Variants in PCDH17 observed in about 807,000 individuals in gnomAD.
PCDH17 encodes the protein protocadherin-17.
In PCDH17, 21 loss-of-function variants were observed where a neutral mutation model predicts 67.7. That is an observed-to-expected ratio of 0.31 (90% CI 0.22 to 0.45). The LOEUF (loss-of-function observed/expected upper bound fraction) is 0.45, where lower values mean the gene tolerates loss of function less well. Among genes scored for constraint, PCDH17 ranks in the 20% least tolerant of loss-of-function variants. The probability of loss-of-function intolerance (pLI) is 1.00; values close to 1 mark genes in which losing one functional copy is unlikely to be tolerated. For missense variants in PCDH17, 1,471 were observed against 1,564.8 expected, an observed-to-expected ratio of 0.94 and a Z score of 1.01; for synonymous variants, 701 against 656.7, an observed-to-expected ratio of 1.07 and a Z score of -1.03.
intron 3 of PCDH17, among the ~76,000 whole-genome samples, chr13:57,677,909 C>T (rs907602267): frequency 6.6e-6 from 1 of 151,472 alleles, no homozygotes; most frequent in Non-Finnish European, 1.5e-5. Flanking sequence ...GTTGAGAGGC[C>T]GGCCTAGAGG....
chr13:57,706,095 A>C (rs528133876), intron 3 of PCDH17, among the ~76,000 whole-genome samples: 1 of 152,254 alleles, frequency 6.6e-6, no homozygotes, highest in African/African-American at 2.4e-5. Flanking sequence ...GAAATCCAGG[A>C]AATGTAAATA....
chr13:57,653,267 T>C (rs1955063736), intron 1 of PCDH17, among the ~76,000 whole-genome samples: 1 of 152,192 alleles, frequency 6.6e-6, no homozygotes. Context: ...TGCTTTTCTT[T>C]GTGTTTAATC....
At chr13:57,653,510 T>C (rs1030633804) in intron 1 of PCDH17, among the ~76,000 whole-genome samples, 1 of 152,118 alleles carries the variant, frequency 6.6e-6, no homozygotes, top group Non-Finnish European at 1.5e-5. Context: ...TACTTACTCA[T>C]ATTGAAACCT....
chr13:57,678,174 A>G (rs1330333154), intron 3 of PCDH17, among the ~76,000 whole-genome samples: 1 of 151,442 alleles, frequency 6.6e-6, no homozygotes, highest in African/African-American at 2.4e-5. Context: ...TCGAAACATC[A>G]TATTGTATAT....
At chr13:57,653,327 CT>C (rs887721497) in intron 1 of PCDH17, among the ~76,000 whole-genome samples, 12 of 150,556 alleles carry the variant, frequency 8.0e-5, no homozygotes, top group African/African-American at 3.0e-4. Flanking sequence ...GGGGTATGAC[CT>C]CGTATTAGAA....
chr13:57,718,060 T>C (rs1955837666), intron 3 of PCDH17, among the ~76,000 whole-genome samples: 1 of 151,990 alleles, frequency 6.6e-6, no homozygotes, highest in Non-Finnish European at 1.5e-5. Flanking sequence ...ACATTCCATA[T>C]CTGTGTATCT....
At chr13:57,663,354 T>C (rs1023993790) in intron 1 of PCDH17, among the ~76,000 whole-genome samples, 2 of 152,130 alleles carry the variant, frequency 1.3e-5, no homozygotes, top group African/African-American at 4.8e-5. Context: ...CCTCAAATTC[T>C]ACCCTCTTCC....
chr13:57,656,084 A>C (rs111536579), intron 1 of PCDH17, among the ~76,000 whole-genome samples: 2 of 152,240 alleles, frequency 1.3e-5, no homozygotes, highest in African/African-American at 4.8e-5. Flanking sequence ...TGTTTGAAAA[A>C]AAATGTAAAC....
rs1201053101 is a variant in PCDH17, at chr13:57,725,437, A to G, written c.*143A>G. On this transcript the variant is annotated 3_prime_UTR_variant, in exon 4 of 4. Transcript: ENST00000377918. Reference sequence around the variant, plus strand: ...CTTTTAGTGAACATCTGAAGTGCCCACAAGTATGTTCTTTCCACTGCTGAT... The same window carrying G: ...CTTTTAGTGAACATCTGAAGTGCCCGCAAGTATGTTCTTTCCACTGCTGAT... 1.5e-5 allele frequency: 10 copies of G among 680,474 alleles called. No homozygotes were observed. The highest frequency in any genetic ancestry group is 2.2e-5 in the Non-Finnish European group (9 of 412,722). The allele number at this position is 680,474 out of a possible 1,614,324, so 42.2% of individuals were successfully genotyped here.
chr13:57,729,224 G>C lies in PCDH17; in HGVS notation c.*3930G>C, dbSNP rs1955935425. 6.6e-6 allele frequency: 1 copy of C among 152,080 alleles called. No individual in the cohort carries two copies. 9.4% of individuals were successfully genotyped at this position (152,080 alleles called of 1,614,324 possible). ...CAACAAAAGCAGCATACATTGTATGGATTTATCTCAACGCTATTGTTTAAT... is the reference window on the plus strand; with the variant it reads ...CAACAAAAGCAGCATACATTGTATGCATTTATCTCAACGCTATTGTTTAAT... On this transcript the variant is annotated 3_prime_UTR_variant, in exon 4 of 4. Transcript: ENST00000377918.
intron 3 of PCDH17, among the ~76,000 whole-genome samples, 190 bp from the exon 4 acceptor site, chr13:57,724,420 CTT>C (rs934297921): frequency 1.3e-5 from 2 of 152,164 alleles, no homozygotes; most frequent in Admixed American, 6.5e-5. Context: ...AGAGAATAGA[CTT>C]AAATTAAACC....
Position 57,634,694 on chromosome 13 carries a change from C to A in PCDH17, c.2148C>A (p.Ser716=), listed in dbSNP as rs1954794758. The A allele has an allele frequency of 6.2e-7, 1 of 1,613,852 alleles. No individual in the cohort carries two copies. The highest frequency in any genetic ancestry group is 8.5e-7 in the Non-Finnish European group (1 of 1,180,016). ...LPLIVTLSTI[S]IILLAAMITI... ...TCATCGTGACTCTGAGCACTATCTC[C>A]ATCATCCTCCTAGCGGCCATGATCA... is the stretch of plus-strand genomic sequence containing the variant. Residue 716 remains serine (S), a synonymous_variant, in exon 1 of 4, where the codon TCC becomes TCA. Coordinates refer to ENST00000377918, the MANE Select transcript of PCDH17 (RefSeq NM_001040429.3). The surrounding 1 kb of genome is among the most constrained non-coding windows in gnomAD (Gnocchi z 7.8).
In PCDH17 at chr13:57,727,493, C is replaced by A. The variant is rs2138111293; in HGVS notation, c.*2199C>A. On this transcript the variant is annotated 3_prime_UTR_variant, in exon 4 of 4. Transcript: ENST00000377918. ...AATGCCATCAATATTTTAGACTGTA[C>A]CTCGTTTGCAAAACTGCTTTGAGAG... 1 of 152,228 alleles carries A rather than the reference C, an allele frequency of 6.6e-6. No individual in the cohort carries two copies. Among genetic ancestry groups the A allele is most frequent in the East Asian group, 1.9e-4 (1 of 5,190 alleles). 9.4% of individuals were successfully genotyped at this position (152,228 alleles called of 1,614,324 possible). A position where few individuals can be genotyped will look rare whatever the true frequency, so the allele number is the denominator to read the frequency against.
intron 3 of PCDH17, among the ~76,000 whole-genome samples, chr13:57,673,503 G>T (rs1246806246): frequency 1.3e-5 from 2 of 151,906 alleles, no homozygotes; most frequent in African/African-American, 4.8e-5. Context: ...CCACTTCCAC[G>T]TAACCAAGAA....
At chr13:57,702,206 C>G (rs896650035) in intron 3 of PCDH17, among the ~76,000 whole-genome samples, 1 of 152,040 alleles carries the variant, frequency 6.6e-6, no homozygotes, top group Admixed American at 6.6e-5. Context: ...CGTGAGCCAC[C>G]ATGCCCAGCC....
At chr13:57,665,343 C>T (rs939773307) in intron 1 of PCDH17, among the ~76,000 whole-genome samples, 1 of 151,562 alleles carries the variant, frequency 6.6e-6, no homozygotes, top group Non-Finnish European at 1.5e-5. Context: ...AGTAATCGCT[C>T]ACAAATTCAA....
In PCDH17 at chr13:57,634,564, T is replaced by C. The variant is rs1207145105; in HGVS notation, c.2018T>C (p.Leu673Pro). ...VKVTDHGKPT[L>P]SAVAKLIIRS... ...GTGACCGACCACGGCAAGCCTACCCTGTCCGCAGTGGCCAAGCTCATCATC... is the reference window on the plus strand; with the variant it reads ...GTGACCGACCACGGCAAGCCTACCCCGTCCGCAGTGGCCAAGCTCATCATC... The change falls in exon 1 of 4, where the codon CTG (leucine) becomes CCG (proline). Residue 673 changes from leucine (L) to proline (P), a missense_variant. Around this residue, in one of 3 missense-constraint regions of PCDH17, gnomAD observed 1,163 missense variants for 1,230.0 expected, o/e 0.95. Coordinates refer to ENST00000377918, the MANE Select transcript of PCDH17 (RefSeq NM_001040429.3). The surrounding 1 kb of genome is among the most constrained non-coding windows in gnomAD (Gnocchi z 7.8). The C allele has an allele frequency of 6.2e-7, 1 of 1,613,294 alleles. No homozygotes were observed. Among genetic ancestry groups the C allele is most frequent in the Non-Finnish European group, 8.5e-7 (1 of 1,180,002 alleles).
chr13:57,698,606 T>C (rs1955633560), intron 3 of PCDH17, among the ~76,000 whole-genome samples: 1 of 151,958 alleles, frequency 6.6e-6, no homozygotes, highest in South Asian at 2.1e-4. Context: ...GAGGACTATA[T>C]AGTGAAATAA....
At chr13:57,657,750 C>G (rs1359125412) in intron 1 of PCDH17, among the ~76,000 whole-genome samples, 1 of 152,138 alleles carries the variant, frequency 6.6e-6, no homozygotes, top group Non-Finnish European at 1.5e-5. Flanking sequence ...GTCCCTAATT[C>G]AAGGGTATTT....
Sources: gnomAD v4.1 joint callset for allele counts (sites outside exome capture counted in the v4.1 genomes callset) on GRCh38, gnomAD v4.1.1 for gene constraint, gnomAD v4.1.1 regional missense constraint, Gnocchi (gnomAD v3.1) non-coding constraint, MANE v1.5 for transcripts, NCBI Gene and HGNC (gene_info 2026-07-23, HGNC 2026-07-21) for gene names.